Variants in STRN3 observed in about 807,000 individuals in gnomAD.
STRN3 encodes the protein striatin-3.
In STRN3, 29 loss-of-function variants were observed where a neutral mutation model predicts 95.6. The observed-to-expected ratio is 0.30, with a 90% CI of 0.23 to 0.41. The LOEUF is 0.41. Among genes scored for constraint, STRN3 ranks in the 10% least tolerant of loss-of-function variants. The pLI, the probability that STRN3 is intolerant of heterozygous loss-of-function variation, is 1.00. For missense variants in STRN3, 890 were observed against 972.1 expected (o/e 0.92, Z 1.12); for synonymous variants, 331 against 357.6 (o/e 0.93, Z 0.84).
At chr14:30,900,016 A>T (rs961360927) in intron 16 of STRN3, among the ~76,000 whole-genome samples, 3 of 152,182 alleles carry the variant, frequency 2.0e-5, no homozygotes, top group Non-Finnish European at 4.4e-5. Flanking sequence ...TTACGGGGAC[A>T]ATCTATTTTA....
At position 30,948,678 on chromosome 14, in the gene STRN3, A is replaced by G. The variant is rs117916677; in HGVS notation, c.543-1415T>C. On this transcript the variant is annotated intron_variant, in intron 4 of 17. Coordinates refer to ENST00000357479, the MANE Select transcript of STRN3 (RefSeq NM_001083893.2). ...CAAAATGGAAAACAGACAGCTGACA[A>G]ATGAACAAGAAGGAAGACTATGGAG... Among the ~76,000 whole-genome samples, 278 of 152,364 alleles carry G rather than the reference A, an allele frequency of 1.8e-3. 5 individuals are homozygous for G. In the East Asian group the frequency reaches 0.032, roughly 18 times the overall value.
At chr14:30,943,983 A>G (rs1033660212) in intron 5 of STRN3, among the ~76,000 whole-genome samples, 2 of 152,156 alleles carry the variant, frequency 1.3e-5, no homozygotes, top group African/African-American at 4.8e-5. Context: ...AATACTGCAC[A>G]CTTTAAAGTT....
At chr14:31,016,752 C>G (rs1298892458) in intron 1 of STRN3, among the ~76,000 whole-genome samples, 1 of 152,116 alleles carries the variant, frequency 6.6e-6, no homozygotes, top group Non-Finnish European at 1.5e-5. Context: ...ACCATATTGG[C>G]CAGGCTGGTC....
chr14:30,936,880 C>A (rs1878847264), intron 5 of STRN3, among the ~76,000 whole-genome samples: 1 of 152,170 alleles, frequency 6.6e-6, no homozygotes, highest in South Asian at 2.1e-4. Context: ...AAAATAAAAT[C>A]CTATAGTATT....
At chr14:30,902,260 A>G (rs1432346425) in intron 16 of STRN3, among the ~76,000 whole-genome samples, 1 of 151,456 alleles carries the variant, frequency 6.6e-6, no homozygotes, top group African/African-American at 2.4e-5. Flanking sequence ...ATACTTATTC[A>G]TAACAGAATA....
rs1350651714 is a variant in STRN3, at chr14:31,026,000, C to A, written c.186G>T (p.Gln62His). The change falls in exon 1 of 18, where the codon CAG becomes CAT. Residue 62 changes from glutamine (Q) to histidine (H), a missense_variant. Transcript: ENST00000357479. ...AAGPELSRPQ[Q>H]YTIPGILHYI... ...AGTGCAGTATCCCCGGGATAGTGTACTGCTGCGGCCGGGACAGCTCGGGGC... is the reference window on the plus strand; with the variant it reads ...AGTGCAGTATCCCCGGGATAGTGTAATGCTGCGGCCGGGACAGCTCGGGGC... 1 of 1,557,446 alleles carries A rather than the reference C, an allele frequency of 6.4e-7. No individual in the cohort carries two copies. The highest frequency in any genetic ancestry group is 2.4e-5 in the East Asian group (1 of 40,960).
chr14:30,982,673 C>T (rs1881470676), intron 1 of STRN3, among the ~76,000 whole-genome samples: 1 of 152,192 alleles, frequency 6.6e-6, no homozygotes, highest in Admixed American at 6.5e-5. Flanking sequence ...TATTTGCAAG[C>T]ATTAAGCCAC....
intron 1 of STRN3, among the ~76,000 whole-genome samples, chr14:30,992,404 CAA>C (rs540582497): frequency 6.5e-5 from 8 of 123,660 alleles, no homozygotes; most frequent in East Asian, 2.3e-4. Context: ...GACTCTGTCT[CAA>C]AAAAAAAAAA....
At chr14:30,986,035 T>C (rs990567790) in intron 1 of STRN3, among the ~76,000 whole-genome samples, 1 of 152,120 alleles carries the variant, frequency 6.6e-6, no homozygotes, top group African/African-American at 2.4e-5. Flanking sequence ...ATGGGAAACC[T>C]AGGGAAGGAG....
intron 9 of STRN3, among the ~76,000 whole-genome samples, chr14:30,918,654 T>C (rs961024059): frequency 6.6e-6 from 1 of 152,202 alleles, no homozygotes; most frequent in Non-Finnish European, 1.5e-5. Flanking sequence ...TATTTTAAGT[T>C]TGTTTTTATA....
intron 1 of STRN3, among the ~76,000 whole-genome samples, chr14:30,981,794 T>C (rs1881415180): frequency 6.6e-6 from 1 of 152,170 alleles, no homozygotes; most frequent in Non-Finnish European, 1.5e-5. Flanking sequence ...TTTCCAATTT[T>C]ATTGATAAAA....
chr14:30,908,927 T>A (rs1303584166), intron 13 of STRN3, among the ~76,000 whole-genome samples: 2 of 152,254 alleles, frequency 1.3e-5, no homozygotes, highest in African/African-American at 4.8e-5. Flanking sequence ...CTTATTTGTA[T>A]ATTACCTACT....
intron 7 of STRN3, among the ~76,000 whole-genome samples, chr14:30,932,910 TA>T (rs772734595): frequency 7.9e-5 from 12 of 152,214 alleles, no homozygotes; most frequent in Non-Finnish European, 1.2e-4. Context: ...GAAAATAAGC[TA>T]AATGTGCATC....
At chr14:30,934,350 T>TAAC (rs200087403) in intron 7 of STRN3, among the ~76,000 whole-genome samples, 3,232 of 152,082 alleles carry the variant, frequency 0.021, 53 homozygotes, top group Non-Finnish European at 0.03. Context: ...ACAATAATAA[T>TAAC]AACAACCTTC....
Position 30,929,961 on chromosome 14 carries a change from A to ACAAACAAAC in STRN3, c.989-651_989-650insGTTTGTTTG, listed in dbSNP as rs1566441362. Among the ~76,000 whole-genome samples the ACAAACAAAC allele has an allele frequency of 4.7e-4, 68 of 144,254 alleles. 2 individuals carry two copies. In the South Asian group the frequency reaches 6.2e-3, roughly 13 times the overall value. The allele number at this position is 144,254 out of a possible 152,430, so 94.6% of individuals were successfully genotyped here. On this transcript the variant is annotated intron_variant, in intron 7 of 17. Coordinates refer to ENST00000357479, the MANE Select transcript of STRN3 (RefSeq NM_001083893.2). ...GTCTACAACTAAGATTAGCAAAAAA[A>ACAAACAAAC]AAAAAAAAAAAAAAAAAACTCAAAT...
At chr14:30,916,513 GATCCACC>G (rs1023947505) in intron 9 of STRN3, among the ~76,000 whole-genome samples, 4 of 152,080 alleles carry the variant, frequency 2.6e-5, no homozygotes, top group Admixed American at 2.6e-4. Context: ...CTGACCTCGT[GATCCACC>G]AGTCTCGGCC....
intron 7 of STRN3, among the ~76,000 whole-genome samples, chr14:30,933,949 T>C (rs1406693836): frequency 6.6e-6 from 1 of 152,204 alleles, no homozygotes; most frequent in Non-Finnish European, 1.5e-5. Flanking sequence ...AATCCAAGTG[T>C]TTGCTATCAA....
intron 8 of STRN3, among the ~76,000 whole-genome samples, chr14:30,924,287 C>CTTTTTTTTTTT (rs71112354): frequency 0.012 from 908 of 77,220 alleles, 153 homozygotes; most frequent in South Asian, 0.034. Flanking sequence ...TGCCTTAAAT[C>CTTTTTTTTTTT]TTTTTTTTTT....
intron 1 of STRN3, among the ~76,000 whole-genome samples, chr14:30,988,997 G>A (rs1881822548): frequency 6.6e-6 from 1 of 152,178 alleles, no homozygotes; most frequent in Non-Finnish European, 1.5e-5. Flanking sequence ...TAAGATAGAA[G>A]AATCAGGACA....
Sources: allele counts gnomAD v4.1 joint callset (sites outside exome capture counted in the v4.1 genomes callset), GRCh38; gene constraint gnomAD v4.1.1; transcripts MANE v1.5; gene names NCBI Gene and HGNC (gene_info 2026-07-23, HGNC 2026-07-21).